FAM163B: variants seen among roughly 807,000 people sequenced by gnomAD.
FAM163B encodes family with sequence similarity 163 member B, also known as protein FAM163B.
Under a neutral mutation model 7.6 loss-of-function variants are expected in FAM163B, and 4 were observed. The ratio of observed to expected loss-of-function variants is 0.52; its 90% CI spans 0.26 to 1.20. The LOEUF (loss-of-function observed/expected upper bound fraction) is 1.20. Among genes scored for constraint, FAM163B ranks in the 50% most tolerant of loss-of-function variants. The pLI, the probability that FAM163B is intolerant of heterozygous loss-of-function variation, is 0.14. For missense variants in FAM163B, 250 were observed against 243.0 expected (o/e 1.03, Z -0.19); for synonymous variants, 120 against 111.6 (o/e 1.07, Z -0.47).
At chr9:133,581,370 TTTTA>T (rs1831353284) in intron 1 of FAM163B, among the ~76,000 whole-genome samples, 1 of 152,110 alleles carries the variant, frequency 6.6e-6, no homozygotes, top group Admixed American at 6.6e-5. Context: ...CAAGCCTCAT[TTTTA>T]TTTTTTTTTC....
In FAM163B at chr9:133,601,012, C is replaced by T. The variant is rs944273630; in HGVS notation, c.-24+8065G>A. On this transcript the variant is annotated intron_variant, in intron 1 of 2. Coordinates refer to ENST00000673969, the MANE Select transcript of FAM163B (RefSeq NM_001080515.3). The surrounding 1 kb of genome is among the most constrained non-coding windows in gnomAD (Gnocchi z 4.1). The stretch of plus-strand genomic sequence containing the variant: ...CCCAAGTTCTCTCCCAAGTACCAGC[C>T]ATGAGGACCCCTGGGAGGGCCCTAC... Among the ~76,000 whole-genome samples, 3 of 152,174 alleles carry T rather than the reference C, an allele frequency of 2.0e-5. No individual in the cohort carries two copies. Among genetic ancestry groups the T allele is most frequent in the African/African-American group, 7.2e-5 (3 of 41,442 alleles).
intron 1 of FAM163B, among the ~76,000 whole-genome samples, chr9:133,588,562 T>C (rs371482606): frequency 2.4e-5 from 1 of 41,218 alleles, no homozygotes; most frequent in Non-Finnish European, 6.1e-5. Flanking sequence ...ATCTAGCATG[T>C]TGAGGGATTA....
Position 133,606,199 on chromosome 9 carries a change from T to C in FAM163B, c.-24+2878A>G, listed in dbSNP as rs7035630. ...TTCCACAGCCAGAAAGCAGCAAAGC[T>C]GGGCTTTCAACTCTACCTCCACCAG... On this transcript the variant is annotated intron_variant, in intron 1 of 2. Transcript: ENST00000673969. The surrounding 1 kb of genome is among the most constrained non-coding windows in gnomAD (Gnocchi z 4.0). Among the ~76,000 whole-genome samples the C allele has an allele frequency of 0.67, 101,400 of 152,074 alleles. 35,743 individuals carry two copies. Among genetic ancestry groups the C allele is most frequent in the African/African-American group, 0.9 (37,484 of 41,510 alleles).
chr9:133,599,739 G>A (rs192872851), intron 1 of FAM163B, among the ~76,000 whole-genome samples: 47 of 151,664 alleles, frequency 3.1e-4, no homozygotes, highest in Admixed American at 5.9e-4. Flanking sequence ...CTGTGTGCAT[G>A]TGTGTGGTCT....
In FAM163B at chr9:133,580,250, C is replaced by T. The variant is rs1400770567; in HGVS notation, c.-23-4G>A. ...CGCCCCCTTCTCCATCAACAGCCTG[C>T]AACACACGCCGCCAGCTTTAGAGCA... On this transcript the variant is annotated splice_polypyrimidine_tract_variant and splice_region_variant and intron_variant, in intron 1 of 2. Transcript: ENST00000673969. 1.0e-5 allele frequency: 16 copies of T among 1,589,610 alleles called. No individual in the cohort carries two copies. In the East Asian group the frequency reaches 1.3e-4, roughly 13 times the overall value.
At chr9:133,580,595 C>A (rs1323745210) in intron 1 of FAM163B, among the ~76,000 whole-genome samples, 1 of 152,212 alleles carries the variant, frequency 6.6e-6, no homozygotes, top group African/African-American at 2.4e-5. Context: ...CAAGCTTGCA[C>A]GTTTTTAAAT....
intron 1 of FAM163B, among the ~76,000 whole-genome samples, chr9:133,608,113 A>G (rs1479963922): frequency 2.0e-5 from 3 of 152,210 alleles, no homozygotes. Context: ...GCAAGGGAGA[A>G]GGCTGGCAGG....
chr9:133,579,963 C>T (rs1162978738), intron 2 of FAM163B, among the ~76,000 whole-genome samples, 168 bp downstream of exon 2: 1 of 152,226 alleles, frequency 6.6e-6, no homozygotes, highest in Non-Finnish European at 1.5e-5. Flanking sequence ...TCTTACTGAG[C>T]CCCATGGTAG....
intron 1 of FAM163B, chr9:133,586,048 C>T (rs905092066): frequency 2.6e-5 from 4 of 152,248 alleles, no homozygotes; most frequent in African/African-American, 9.6e-5. Context: ...AGACCTCCTG[C>T]ACATTTGTTC....
At chr9:133,583,901 A>G (rs1311051095) in intron 1 of FAM163B, among the ~76,000 whole-genome samples, 1 of 152,184 alleles carries the variant, frequency 6.6e-6, no homozygotes, top group African/African-American at 2.4e-5. Flanking sequence ...GCCGACAGAC[A>G]CACACTCCGC....
In FAM163B at chr9:133,580,122, C is replaced by CCACTTG; in HGVS notation, c.93+8_93+9insCAAGTG. 2 of 1,609,982 alleles carry CCACTTG rather than the reference C, an allele frequency of 1.2e-6. No individual in the cohort carries two copies. Among genetic ancestry groups the CCACTTG allele is most frequent in the Non-Finnish European group, 1.7e-6 (2 of 1,179,536 alleles). ...CTGCCCTGTCCCCTTCCCCGCCGCC[C>CCACTTG]GGGAATACCTGGAGCCGGCAGTAGC... is the stretch of plus-strand genomic sequence containing the variant. On this transcript the variant is annotated intron_variant, in intron 2 of 2. Coordinates refer to ENST00000673969, the MANE Select transcript of FAM163B (RefSeq NM_001080515.3).
At chr9:133,603,748 G>C (rs2131263830) in intron 1 of FAM163B, among the ~76,000 whole-genome samples, 1 of 152,334 alleles carries the variant, frequency 6.6e-6, no homozygotes, top group Middle Eastern at 3.4e-3. Flanking sequence ...CTCCAGCCCA[G>C]GGTGTACATT....
intron 1 of FAM163B, among the ~76,000 whole-genome samples, chr9:133,580,647 T>C (rs1003613678): frequency 5.3e-5 from 8 of 152,252 alleles, no homozygotes; most frequent in Non-Finnish European, 1.0e-4. Context: ...TTTTGTAACC[T>C]GCTTCCCTGC....
At chr9:133,587,011 C>T (rs1831449794) in intron 1 of FAM163B, among the ~76,000 whole-genome samples, 1 of 152,204 alleles carries the variant, frequency 6.6e-6, no homozygotes. Context: ...GGGTCTGACA[C>T]ATCTCTGCAA....
At position 133,609,120 on chromosome 9, in the gene FAM163B, G is replaced by A. The variant is rs1564200072; in HGVS notation, c.-67C>T. On this transcript the variant is annotated 5_prime_UTR_variant, in exon 1 of 3. Coordinates refer to ENST00000673969, the MANE Select transcript of FAM163B (RefSeq NM_001080515.3). ...CGCTGCCCCGGCCGCGAGGACTTGG[G>A]CGCACGTGACGGGGCGGGCGGGCGT... Among the ~76,000 whole-genome samples, 1 of 152,138 alleles carries A rather than the reference G, an allele frequency of 6.6e-6. No individual in the cohort carries two copies. Among genetic ancestry groups the A allele is most frequent in the Non-Finnish European group, 1.5e-5 (1 of 68,002 alleles).
In FAM163B at chr9:133,580,258, G is replaced by T. The variant is rs1007723227; in HGVS notation, c.-23-12C>A. 2 of 1,573,726 alleles carry T rather than the reference G, an allele frequency of 1.3e-6. No individual in the cohort carries two copies. Among genetic ancestry groups the T allele is most frequent in the Non-Finnish European group, 8.7e-7 (1 of 1,145,738 alleles). ...TCTCCATCAACAGCCTGCAACACAC[G>T]CCGCCAGCTTTAGAGCATCACGCTT... On this transcript the variant is annotated splice_polypyrimidine_tract_variant and intron_variant, in intron 1 of 2. Transcript: ENST00000673969.
intron 1 of FAM163B, among the ~76,000 whole-genome samples, chr9:133,587,380 G>T (rs999645821): frequency 3.4e-4 from 52 of 152,340 alleles, no homozygotes; most frequent in African/African-American, 1.2e-3. Context: ...CAGGAAGCAC[G>T]AAGCTGAAAG....
Position 133,579,317 on chromosome 9 carries a change from CCGTTGGT to C in FAM163B, c.199_205del (p.Thr67GlyfsTer47). 6.2e-7 allele frequency: 1 copy of C among 1,613,656 alleles called. No individual in the cohort carries two copies. Among genetic ancestry groups the C allele is most frequent in the Non-Finnish European group, 8.5e-7 (1 of 1,179,960 alleles). ...GGAGGCGGTGGGGTAGAGCGCCGGC[CCGTTGGT>C]CAGCACCAGGTTGCGGTTGGAGTGC... On this transcript the variant is annotated frameshift_variant, in exon 3 of 3. Coordinates refer to ENST00000673969, the MANE Select transcript of FAM163B (RefSeq NM_001080515.3). LOFTEE classifies it high-confidence loss of function.
chr9:133,606,964 G>C lies in FAM163B; in HGVS notation c.-24+2113C>G, dbSNP rs553989944. ...CTCACCCAGAACCAGCACCAGAAAAGTCAGGAATATAGAGCCAGCCCCTAA... is the reference window on the plus strand; with the variant it reads ...CTCACCCAGAACCAGCACCAGAAAACTCAGGAATATAGAGCCAGCCCCTAA... On this transcript the variant is annotated intron_variant, in intron 1 of 2. Transcript: ENST00000673969. The surrounding 1 kb of genome is among the most constrained non-coding windows in gnomAD (Gnocchi z 4.0). Among the ~76,000 whole-genome samples the C allele has an allele frequency of 2.2e-4, 33 of 152,314 alleles. No homozygotes were observed. The highest frequency in any genetic ancestry group is 7.7e-4 in the African/African-American group (32 of 41,568).
Sources: allele counts gnomAD v4.1 joint callset (sites outside exome capture counted in the v4.1 genomes callset), GRCh38; gene constraint gnomAD v4.1.1; non-coding constraint Gnocchi (gnomAD v3.1); transcripts MANE v1.5; gene names NCBI Gene and HGNC (gene_info 2026-07-23, HGNC 2026-07-21).